Variants in ZPBP observed in about 807,000 individuals in gnomAD.
ZPBP encodes the protein zona pellucida binding protein, also known as zona pellucida-binding protein 1.
ZPBP carries 26 observed loss-of-function variants against 44.8 expected under a neutral mutation model. The observed-to-expected ratio is 0.58, with a 90% CI of 0.43 to 0.81. ZPBP has a LOEUF of 0.81. Ranked by LOEUF, ZPBP falls within the 30% of genes least tolerant of loss-of-function variation. The probability of loss-of-function intolerance (pLI) is 0.00; values close to 1 mark genes in which losing one functional copy is unlikely to be tolerated. For missense variants in ZPBP, 409 were observed against 434.0 expected, an observed-to-expected ratio of 0.94 and a Z score of 0.51; for synonymous variants, 174 against 153.2, an observed-to-expected ratio of 1.14 and a Z score of -1.00.
intron 1 of ZPBP, among the ~76,000 whole-genome samples, chr7:49,925,913 G>T: frequency 6.6e-6 from 1 of 152,232 alleles, no homozygotes; most frequent in East Asian, 1.9e-4. Context: ...TTGAGCTTGG[G>T]GAAGGGAAAT....
At chr7:50,015,139 C>T (rs891769604) in intron 6 of ZPBP, among the ~76,000 whole-genome samples, 6 of 151,636 alleles carry the variant, frequency 4.0e-5, no homozygotes, top group Non-Finnish European at 7.4e-5. Flanking sequence ...CTGTAGCAAA[C>T]CAAATAAGAA....
chr7:49,940,071 A>T (rs1794805020), intron 7 of ZPBP, among the ~76,000 whole-genome samples: 7 of 152,184 alleles, frequency 4.6e-5, no homozygotes, highest in Admixed American at 4.6e-4. Context: ...ACAAGTTTGA[A>T]TCCCTCCTTT....
chr7:49,907,016 A>G (rs1375030780), intron 1 of ZPBP, among the ~76,000 whole-genome samples: 1 of 152,224 alleles, frequency 6.6e-6, no homozygotes, highest in Non-Finnish European at 1.5e-5. Context: ...TCCATGTTGA[A>G]TAAACAATGG....
intron 2 of ZPBP, among the ~76,000 whole-genome samples, chr7:49,869,967 T>A (rs1791072096): frequency 6.6e-6 from 1 of 152,190 alleles, no homozygotes; most frequent in Non-Finnish European, 1.5e-5. Context: ...AATATTATGC[T>A]GAATAAAAGA....
At chr7:49,982,652 G>T (rs779434518) in intron 7 of ZPBP, among the ~76,000 whole-genome samples, 1 of 151,422 alleles carries the variant, frequency 6.6e-6, no homozygotes, top group Non-Finnish European at 1.5e-5. Context: ...AACTATCAAG[G>T]CTCAAGTATT....
intron 1 of ZPBP, among the ~76,000 whole-genome samples, chr7:50,090,299 C>T (rs1320052316): frequency 6.6e-6 from 1 of 151,868 alleles, no homozygotes; most frequent in Non-Finnish European, 1.5e-5. Context: ...CATTCTCATG[C>T]CTTTGCATCC....
chr7:49,919,722 T>C (rs1160280776), intron 1 of ZPBP: 1 of 152,300 alleles, frequency 6.6e-6, no homozygotes, highest in Non-Finnish European at 1.5e-5. Flanking sequence ...ATGGTGAAGG[T>C]TGTGGGTGGA....
intron 2 of ZPBP, among the ~76,000 whole-genome samples, chr7:49,876,971 A>AAT (rs1791437956): frequency 6.6e-6 from 1 of 152,014 alleles, no homozygotes; most frequent in African/African-American, 2.4e-5. Context: ...TCAAGATTCA[A>AAT]ATATATTCAG....
intron 6 of ZPBP, among the ~76,000 whole-genome samples, chr7:50,000,687 G>A (rs1330366431): frequency 1.3e-5 from 2 of 152,112 alleles, no homozygotes; most frequent in African/African-American, 2.4e-5. Context: ...AGTACAGGTA[G>A]TATTTGAATG....
At chr7:50,062,198 T>A (rs1398467632) in intron 3 of ZPBP, among the ~76,000 whole-genome samples, 1 of 152,136 alleles carries the variant, frequency 6.6e-6, no homozygotes, top group East Asian at 1.9e-4. Context: ...TGGAAAAACA[T>A]TCCATGCTCA....
intron 2 of ZPBP, among the ~76,000 whole-genome samples, chr7:49,858,591 T>C (rs1056869361): frequency 6.7e-6 from 1 of 149,110 alleles, no homozygotes; most frequent in East Asian, 2.0e-4. Context: ...CATTAGGAGA[T>C]ATACCTAATG....
chr7:49,855,545 C>T (rs1227867043), intron 2 of ZPBP, among the ~76,000 whole-genome samples: 2 of 152,134 alleles, frequency 1.3e-5, no homozygotes, highest in Non-Finnish European at 2.9e-5. Context: ...GGACAGGTTC[C>T]AGGGACAGAG....
chr7:49,865,433 C>T (rs141353714), intron 2 of ZPBP, among the ~76,000 whole-genome samples: 10 of 152,290 alleles, frequency 6.6e-5, no homozygotes, highest in Non-Finnish European at 1.3e-4. Context: ...AACCGCAAAA[C>T]GTAGTGGCTT....
chr7:49,891,156 G>T (rs1792110603), intron 2 of ZPBP, among the ~76,000 whole-genome samples: 2 of 152,132 alleles, frequency 1.3e-5, no homozygotes, highest in African/African-American at 4.8e-5. Context: ...AATGTTGAAT[G>T]TAAAAAGATA....
At chr7:49,972,908 G>GA (rs538283983) in intron 7 of ZPBP, among the ~76,000 whole-genome samples, 124 of 147,766 alleles carry the variant, frequency 8.4e-4, no homozygotes, top group South Asian at 6.3e-3. Flanking sequence ...AGAGGGCCCA[G>GA]AAAAAAAAAA....
intron 3 of ZPBP, among the ~76,000 whole-genome samples, chr7:50,072,717 C>G (rs1801907657): frequency 6.6e-6 from 1 of 152,264 alleles, no homozygotes; most frequent in South Asian, 2.1e-4. Context: ...TTTCCTGGAT[C>G]TGGTACAAGA....
chr7:49,865,853 G>A (rs897140138), intron 2 of ZPBP, among the ~76,000 whole-genome samples: 2 of 152,132 alleles, frequency 1.3e-5, no homozygotes, highest in African/African-American at 2.4e-5. Context: ...CTCAAAGTCC[G>A]GATGTCTCTC....
intron 6 of ZPBP, among the ~76,000 whole-genome samples, chr7:49,999,349 AAG>A (rs1238599468): frequency 2.6e-5 from 4 of 151,846 alleles, no homozygotes; most frequent in African/African-American, 9.7e-5. Flanking sequence ...GGTGAGGAGA[AAG>A]ATAGTCTATT....
At chr7:50,056,914 G>T (rs1049018233) in intron 4 of ZPBP, among the ~76,000 whole-genome samples, 2 of 152,096 alleles carry the variant, frequency 1.3e-5, no homozygotes, top group African/African-American at 2.4e-5. Context: ...GGCTAGGTGT[G>T]GTGGCTCATG....
Sources: gnomAD v4.1 joint callset for allele counts (sites outside exome capture counted in the v4.1 genomes callset) on GRCh38, gnomAD v4.1.1 for gene constraint, MANE v1.5 for transcripts, NCBI Gene and HGNC (gene_info 2026-07-23, HGNC 2026-07-21) for gene names.